The following MFSD2A variants were observed in gnomAD, a reference collection of about 807,000 sequenced individuals.
The protein encoded by MFSD2A is MFSD2 lysolipid transporter A, lysophospholipid.
MFSD2A carries 27 observed loss-of-function variants against 64.7 expected under a neutral mutation model. The ratio of observed to expected loss-of-function variants is 0.42; its 90% CI spans 0.31 to 0.58. The LOEUF (loss-of-function observed/expected upper bound fraction) is 0.58, where lower values mean the gene tolerates loss of function less well. Ranked by LOEUF, MFSD2A falls within the 20% of genes least tolerant of loss-of-function variation. MFSD2A has a pLI of 0.18. For missense variants in MFSD2A, 474 were observed against 679.5 expected (o/e 0.70, Z 3.36); for synonymous variants, 258 against 273.4 (o/e 0.94, Z 0.55).
chr1:39,964,623 TGCCAGCTTC>T lies in MFSD2A; in HGVS notation c.354-587_354-579del. ...ACTTGGAGCTGGCCTCTCCCCATCA[TGCCAGCTTC>T]CCTGTGTGTGAATGGGTGTGTGTGT... is the stretch of plus-strand genomic sequence containing the variant. On this transcript the variant is annotated intron_variant, in intron 3 of 13. Transcript: ENST00000372811. The surrounding 1 kb of genome is among the most constrained non-coding windows in gnomAD (Gnocchi z 4.1). The T allele has an allele frequency of 6.5e-6, 1 of 153,276 alleles. No individual in the cohort carries two copies. The allele number at this position is 153,276 out of a possible 1,614,324, so 9.5% of individuals were successfully genotyped here.
chr1:39,967,651 C>T lies in MFSD2A; in HGVS notation c.1035C>T (p.Pro345=). 3.7e-6 allele frequency: 6 copies of T among 1,614,166 alleles called. No individual in the cohort carries two copies. Among genetic ancestry groups the T allele is most frequent in the Non-Finnish European group, 5.1e-6 (6 of 1,180,020 alleles). ...AIMLSATLTI[P]IWQWFLTRFG... is the part of the protein sequence containing the mutation. ...AGCTCTCGGCCACTTTAACCATTCC[C>T]ATCTGGCAGTGGTTCTTGACCCGGT... The change falls in exon 10 of 14, where the codon CCC becomes CCT. Residue 345 remains proline, a synonymous_variant. Coordinates refer to ENST00000372811, the MANE Select transcript of MFSD2A (RefSeq NM_032793.5).
rs368599958 is a variant in MFSD2A at position 39,965,291 on chromosome 1, A to G, written c.434A>G (p.Tyr145Cys). The G allele has an allele frequency of 9.3e-5, 150 of 1,613,698 alleles. No individual in the cohort carries two copies. The highest frequency in any genetic ancestry group is 1.2e-4 in the Non-Finnish European group (142 of 1,179,944). ...FVPDFPHGQTYWYLLFYCLFE... is the reference protein window; with the variant it reads ...FVPDFPHGQTCWYLLFYCLFE... ...CCCGACTTCCCACACGGCCAGACCT[A>G]TTGGTACCTGCTTTTCTATTGCCTC... Residue 145 changes from tyrosine to cysteine, a missense_variant, in exon 4 of 14, where the codon TAT (tyrosine) becomes TGT (cysteine). By Grantham distance (194) the Tyr-to-Cys change is radical (BLOSUM62 -2). Coordinates refer to ENST00000372811, the MANE Select transcript of MFSD2A (RefSeq NM_032793.5). The surrounding 1 kb of genome is among the most constrained non-coding windows in gnomAD (Gnocchi z 5.5).
chr1:39,961,549 G>A (rs1416080773), intron 3 of MFSD2A, among the ~76,000 whole-genome samples: 1 of 151,930 alleles, frequency 6.6e-6, no homozygotes, highest in Non-Finnish European at 1.5e-5. Context: ...AGGTTTCACC[G>A]TGTTAGCCAA....
At chr1:39,967,321 G>A (rs534151349) in intron 9 of MFSD2A, 152 bp downstream of exon 9, 19 of 734,326 alleles carry the variant, frequency 2.6e-5, no homozygotes, top group African/African-American at 2.3e-4. Context: ...TGGACCTTGC[G>A]AAGGTAGGAC....
rs955499072 is a variant in MFSD2A at position 39,968,962 on chromosome 1, T to C, written c.1529+217T>C. 6.6e-6 allele frequency among the ~76,000 whole-genome samples: 1 copy of C among 152,232 alleles called. No individual in the cohort carries two copies. Among genetic ancestry groups the C allele is most frequent in the African/African-American group, 2.4e-5 (1 of 41,460 alleles). On this transcript the variant is annotated intron_variant, in intron 13 of 13. Coordinates refer to ENST00000372811, the MANE Select transcript of MFSD2A (RefSeq NM_032793.5). This position sits in a 1 kb window ranked among gnomAD's most constrained non-coding sequence, Gnocchi z 4.4. ...ACTATGTGCTAGGCATTGACTGCTC[T>C]AGTGAACAAGACAAAAATCTCTGTC...
At chr1:39,961,489 C>T (rs1645043017) in intron 3 of MFSD2A, among the ~76,000 whole-genome samples, 1 of 152,020 alleles carries the variant, frequency 6.6e-6, no homozygotes, top group South Asian at 2.1e-4. Context: ...GCTGGGACTA[C>T]AGGCGCCCGC....
Position 39,968,012 on chromosome 1 carries a change from A to C in MFSD2A, c.1208+96A>C. 1 of 768,200 alleles carries C rather than the reference A, an allele frequency of 1.3e-6. No individual in the cohort carries two copies. 47.6% of individuals were successfully genotyped at this position (768,200 alleles called of 1,614,324 possible). A position where few individuals can be genotyped will look rare whatever the true frequency, so the allele number is the denominator to read the frequency against. ...AGAGTTCTATGCAGTGTTCTCCCACAGGCCATTCTGTGGGTCCAGGTTAGG... is the reference window on the plus strand; with the variant it reads ...AGAGTTCTATGCAGTGTTCTCCCACCGGCCATTCTGTGGGTCCAGGTTAGG... On this transcript the variant is annotated intron_variant, in intron 11 of 13. Transcript: ENST00000372811. The surrounding 1 kb of genome is among the most constrained non-coding windows in gnomAD (Gnocchi z 4.4).
intron 3 of MFSD2A, among the ~76,000 whole-genome samples, chr1:39,961,355 G>A (rs1388979727): frequency 4.1e-4 from 38 of 91,712 alleles, no homozygotes; most frequent in African/African-American, 1.8e-3. Flanking sequence ...CGCTTTTTTT[G>A]TTTGTTTGTT....
chr1:39,958,538 A>T lies in MFSD2A; in HGVS notation c.229-163A>T. The T allele has an allele frequency of 9.4e-7, 1 of 1,062,730 alleles. No individual in the cohort carries two copies. The allele number at this position is 1,062,730 out of a possible 1,614,324, so 65.8% of individuals were successfully genotyped here. ...CTGTTATTGGAGAAATGCTATTGTC[A>T]TTATTAACAAGGCAAGTGAAGATGT... is the stretch of plus-strand genomic sequence containing the variant. On this transcript the variant is annotated intron_variant, in intron 2 of 13. Coordinates refer to ENST00000372811, the MANE Select transcript of MFSD2A (RefSeq NM_032793.5). The surrounding 1 kb of genome is among the most constrained non-coding windows in gnomAD (Gnocchi z 4.7).
Position 39,969,592 on chromosome 1 carries a change from A to G in MFSD2A, c.*24A>G. ...AGGGCCCGCCACGTTGCCCGAAGCC[A>G]CCATGCAGAAGGCCACAGAAGGGAT... On this transcript the variant is annotated 3_prime_UTR_variant, in exon 14 of 14. Coordinates refer to ENST00000372811, the MANE Select transcript of MFSD2A (RefSeq NM_032793.5). 6.2e-7 allele frequency: 1 copy of G among 1,606,868 alleles called. No individual in the cohort carries two copies. Among genetic ancestry groups the G allele is most frequent in the Middle Eastern group, 1.7e-4 (1 of 5,784 alleles).
rs558250949 is a variant in MFSD2A, at chr1:39,957,439, C to A, written c.228+218C>A. 2.6e-5 allele frequency among the ~76,000 whole-genome samples: 4 copies of A among 152,322 alleles called. No homozygotes were observed. In the South Asian group the frequency reaches 8.3e-4, roughly 32 times the overall value. On this transcript the variant is annotated intron_variant, in intron 2 of 13. Coordinates refer to ENST00000372811, the MANE Select transcript of MFSD2A (RefSeq NM_032793.5). ...AGGAGTCTTTGCTGGAAAGGTCTGG[C>A]AACTCCTCCTTGCCTGGCATGAGCA...
intron 3 of MFSD2A, among the ~76,000 whole-genome samples, 192 bp downstream of exon 3, chr1:39,959,017 A>G: frequency 6.6e-6 from 1 of 152,052 alleles, no homozygotes; most frequent in Non-Finnish European, 1.5e-5. Context: ...CAGCCAGTTC[A>G]TTTCCAGGAC....
chr1:39,955,913 C>A lies in MFSD2A; in HGVS notation c.93+528C>A, dbSNP rs1305155141. 2.8e-5 allele frequency: 6 copies of A among 215,674 alleles called. No individual in the cohort carries two copies. The East Asian group carries it at 1.0e-3, about 37-fold the overall frequency. The allele number at this position is 215,674 out of a possible 1,614,324, so 13.4% of individuals were successfully genotyped here. A position where few individuals can be genotyped will look rare whatever the true frequency, so the allele number is the denominator to read the frequency against. On this transcript the variant is annotated intron_variant, in intron 1 of 13. Coordinates refer to ENST00000372811, the MANE Select transcript of MFSD2A (RefSeq NM_032793.5). This position sits in a 1 kb window ranked among gnomAD's most constrained non-coding sequence, Gnocchi z 5.9. ...ATGTTCGCGCGGGAACGGTGCTTTG[C>A]GCATCGAGACCATCGACCACATCCC...
intron 13 of MFSD2A, among the ~76,000 whole-genome samples, 185 bp from the exon 14 acceptor site, chr1:39,969,320 C>T (rs1269193697): frequency 6.9e-6 from 1 of 145,566 alleles, no homozygotes; most frequent in African/African-American, 2.5e-5. Flanking sequence ...TTGCAGTACC[C>T]TGTGTGCAGC....
chr1:39,957,854 CTG>C (rs3830353), intron 2 of MFSD2A: 7,160 of 152,492 alleles, frequency 0.047, 670 homozygotes, highest in East Asian at 0.44. Flanking sequence ...GCTGTCTTCT[CTG>C]TGTAGCATCT....
chr1:39,962,625 G>A (rs1029937566), intron 3 of MFSD2A: 11 of 827,198 alleles, frequency 1.3e-5, no homozygotes, highest in African/African-American at 3.3e-5. Flanking sequence ...TGCCTTCCGC[G>A]GAGGTTTCGG....
At position 39,968,835 on chromosome 1, in the gene MFSD2A, AC is replaced by A. The variant is rs201222676; in HGVS notation, c.1529+96del. The A allele has an allele frequency of 1.5e-3, 2,023 of 1,378,902 alleles. 30 individuals carry two copies. In the African/African-American group the frequency reaches 0.026, roughly 17 times the overall value. The allele number at this position is 1,378,902 out of a possible 1,614,324, so 85.4% of individuals were successfully genotyped here. A position where few individuals can be genotyped will look rare whatever the true frequency, so the allele number is the denominator to read the frequency against. On this transcript the variant is annotated intron_variant, in intron 13 of 13. Coordinates refer to ENST00000372811, the MANE Select transcript of MFSD2A (RefSeq NM_032793.5). The surrounding 1 kb of genome is among the most constrained non-coding windows in gnomAD (Gnocchi z 4.4). ...GTCTCCTGTGGCCAAGTCCAGACTCACCCCCCACACATCTTCTCTGGACAGC... is the reference window on the plus strand; with the variant it reads ...GTCTCCTGTGGCCAAGTCCAGACTCACCCCCACACATCTTCTCTGGACAGC...
intron 2 of MFSD2A, among the ~76,000 whole-genome samples, chr1:39,957,433 G>T (rs973247729): frequency 6.6e-6 from 1 of 152,254 alleles, no homozygotes; most frequent in Non-Finnish European, 1.5e-5. Context: ...TGCTGGAAAG[G>T]TCTGGCAACT....
chr1:39,962,534 G>A (rs962880841), intron 3 of MFSD2A: 18 of 583,714 alleles, frequency 3.1e-5, no homozygotes, highest in South Asian at 1.1e-4. Context: ...CTTCTTCTCC[G>A]AGAAAACACC....
Sources: gnomAD v4.1 joint callset for allele counts (sites outside exome capture counted in the v4.1 genomes callset) on GRCh38, gnomAD v4.1.1 for gene constraint, Gnocchi (gnomAD v3.1) non-coding constraint, MANE v1.5 for transcripts, NCBI Gene and HGNC (gene_info 2026-07-23, HGNC 2026-07-21) for gene names.